The following PRLR variants were observed in gnomAD, a reference collection of about 807,000 sequenced individuals.
PRLR encodes prolactin receptor.
PRLR carries 13 observed loss-of-function variants against 40.2 expected under a neutral mutation model. The ratio of observed to expected loss-of-function variants is 0.32; its 90% CI spans 0.21 to 0.51. The LOEUF (loss-of-function observed/expected upper bound fraction) is 0.51, where lower values mean the gene tolerates loss of function less well. Among genes scored for constraint, PRLR ranks in the 20% least tolerant of loss-of-function variants. The pLI is 0.97. For missense variants in PRLR, 656 were observed against 747.3 expected, an observed-to-expected ratio of 0.88 and a Z score of 1.42; for synonymous variants, 269 against 278.7, an observed-to-expected ratio of 0.97 and a Z score of 0.35.
chr5:35,078,706 C>T lies in PRLR; in HGVS notation c.373+5764G>A, dbSNP rs376271237. 9.9e-5 allele frequency among the ~76,000 whole-genome samples: 15 copies of T among 152,248 alleles called. No individual in the cohort carries two copies. In the East Asian group the frequency reaches 2.3e-3, roughly 24 times the overall value. ...AGAGGGAATCCTCCCTAACTCATTT[C>T]GTGAGGCCAGCATCATCCTGATACC... On this transcript the variant is annotated intron_variant, in intron 5 of 9. Coordinates refer to ENST00000618457, the MANE Select transcript of PRLR (RefSeq NM_000949.7).
Position 35,174,250 on chromosome 5 carries a change from C to T in PRLR, c.-106+56018G>A, listed in dbSNP as rs540010682. ...GACTACAGGCGTAGGCCGCCACGCC[C>T]GGCTAATTTTTTGTATTTTAGTGGA... is the stretch of plus-strand genomic sequence containing the variant. On this transcript the variant is annotated intron_variant, in intron 1 of 9. Transcript: ENST00000618457. Among the ~76,000 whole-genome samples, 30 of 152,232 alleles carry T rather than the reference C, an allele frequency of 2.0e-4. No homozygotes were observed. The East Asian group carries it at 2.9e-3, about 15-fold the overall frequency.
chr5:35,077,439 G>C (rs1770185404), intron 5 of PRLR, among the ~76,000 whole-genome samples: 1 of 152,152 alleles, frequency 6.6e-6, no homozygotes, highest in South Asian at 2.1e-4. Context: ...AACCAACAAA[G>C]ATCAAAAGAG....
At position 35,060,882 on chromosome 5, in the gene PRLR, T is replaced by C. The variant is rs911420833; in HGVS notation, c.*4207A>G. 2 of 152,200 alleles carry C rather than the reference T, an allele frequency of 1.3e-5. No homozygotes were observed. The highest frequency in any genetic ancestry group is 4.8e-5 in the African/African-American group (2 of 41,452). 9.4% of individuals were successfully genotyped at this position (152,200 alleles called of 1,614,324 possible). A position where few individuals can be genotyped will look rare whatever the true frequency, so the allele number is the denominator to read the frequency against. ...TAAGCCAATGACATTCAAAAATGTA[T>C]CAATAAGTTTTGGTATGGAGAGTCT... On this transcript the variant is annotated 3_prime_UTR_variant, in exon 10 of 10. Transcript: ENST00000618457.
intron 2 of PRLR, 86 bp downstream of exon 2, chr5:35,117,975 G>A: frequency 1.4e-6 from 1 of 692,060 alleles, no homozygotes; most frequent in Non-Finnish European, 1.8e-6. Flanking sequence ...TGTAAACCAA[G>A]ATAGTTGAGC....
intron 4 of PRLR, 47 bp from the exon 5 acceptor site, chr5:35,084,686 A>G: frequency 6.4e-7 from 1 of 1,561,100 alleles, no homozygotes; most frequent in Non-Finnish European, 8.7e-7. Flanking sequence ...TAATAAAGAG[A>G]GTCTAGTTTT....
chr5:35,105,269 G>T (rs1166265841), intron 2 of PRLR, among the ~76,000 whole-genome samples: 1 of 152,208 alleles, frequency 6.6e-6, no homozygotes, highest in East Asian at 1.9e-4. Context: ...AAGATGGGGA[G>T]AAACCAGAGC....
chr5:35,070,890 C>T (rs544539278), intron 6 of PRLR, among the ~76,000 whole-genome samples: 78 of 149,858 alleles, frequency 5.2e-4, no homozygotes, highest in Admixed American at 4.3e-3. Flanking sequence ...GAATTGTTAG[C>T]CTTTAAACCC....
intron 1 of PRLR, among the ~76,000 whole-genome samples, chr5:35,199,991 A>G (rs1268778110): frequency 6.6e-6 from 1 of 152,186 alleles, no homozygotes; most frequent in Non-Finnish European, 1.5e-5. Context: ...AGAAAATACA[A>G]GATTTCTTTT....
At chr5:35,108,497 G>A (rs1772425987) in intron 2 of PRLR, among the ~76,000 whole-genome samples, 1 of 151,368 alleles carries the variant, frequency 6.6e-6, no homozygotes, top group African/African-American at 2.4e-5. Context: ...CCCAAAAGCT[G>A]ATAAGCAACT....
At position 35,080,862 on chromosome 5, in the gene PRLR, T is replaced by TA. The variant is rs1770465341; in HGVS notation, c.373+3607dup. Among the ~76,000 whole-genome samples the TA allele has an allele frequency of 5.3e-5, 8 of 151,902 alleles. No individual in the cohort carries two copies. In the South Asian group the frequency reaches 1.7e-3, roughly 32 times the overall value. ...TACACCATGGAATACTATGCAGCCA[T>TA]AAAAATGGATGAGTTCATGTCTTCG... On this transcript the variant is annotated intron_variant, in intron 5 of 9. Coordinates refer to ENST00000618457, the MANE Select transcript of PRLR (RefSeq NM_000949.7).
intron 1 of PRLR, among the ~76,000 whole-genome samples, chr5:35,228,846 G>A (rs1776619394): frequency 6.6e-6 from 1 of 152,050 alleles, no homozygotes; most frequent in Non-Finnish European, 1.5e-5. Context: ...CAAGGAGTTG[G>A]CTGGGTGGTC....
chr5:35,103,097 T>A (rs1772001572), intron 2 of PRLR, among the ~76,000 whole-genome samples: 1 of 152,186 alleles, frequency 6.6e-6, no homozygotes, highest in South Asian at 2.1e-4. Context: ...GGTAAATAGA[T>A]TTTGTTATAT....
intron 1 of PRLR, among the ~76,000 whole-genome samples, chr5:35,219,444 G>A (rs888565110): frequency 6.6e-6 from 1 of 152,184 alleles, no homozygotes; most frequent in African/African-American, 2.4e-5. Context: ...AGGACTAAAT[G>A]AGTTAAAACA....
At chr5:35,189,984 C>T (rs988739467) in intron 1 of PRLR, among the ~76,000 whole-genome samples, 1 of 152,122 alleles carries the variant, frequency 6.6e-6, no homozygotes, top group African/African-American at 2.4e-5. Flanking sequence ...CAGGAGCCTC[C>T]CTGTTTACCC....
chr5:35,227,758 C>T (rs1352736716), intron 1 of PRLR, among the ~76,000 whole-genome samples: 1 of 152,158 alleles, frequency 6.6e-6, no homozygotes, highest in African/African-American at 2.4e-5. Context: ...CTGTGCCAAA[C>T]TGTGAAAGAT....
At chr5:35,122,909 T>A (rs1053413561) in intron 1 of PRLR, among the ~76,000 whole-genome samples, 5 of 152,084 alleles carry the variant, frequency 3.3e-5, no homozygotes, top group African/African-American at 1.2e-4. Flanking sequence ...GAGATTGAGA[T>A]GGAGACAGAG....
At chr5:35,214,736 C>T (rs772790022) in intron 1 of PRLR, among the ~76,000 whole-genome samples, 5 of 152,192 alleles carry the variant, frequency 3.3e-5, no homozygotes, top group Non-Finnish European at 5.9e-5. Flanking sequence ...ACCTCACAGG[C>T]TAACTGCCTT....
intron 1 of PRLR, 141 bp from the exon 2 acceptor site, chr5:35,118,263 G>GT: frequency 4.6e-6 from 1 of 215,222 alleles, no homozygotes; most frequent in Non-Finnish European, 7.9e-6. Flanking sequence ...TCTGGAATTT[G>GT]TTTTTTGGCA....
At chr5:35,229,538 C>T (rs1390519418) in intron 1 of PRLR, among the ~76,000 whole-genome samples, 1 of 152,130 alleles carries the variant, frequency 6.6e-6, no homozygotes, top group Non-Finnish European at 1.5e-5. Flanking sequence ...CTGAGTTTGC[C>T]TGACTTTAAC....
Sources: gnomAD v4.1 joint callset for allele counts (sites outside exome capture counted in the v4.1 genomes callset) on GRCh38, gnomAD v4.1.1 for gene constraint, MANE v1.5 for transcripts, NCBI Gene and HGNC (gene_info 2026-07-23, HGNC 2026-07-21) for gene names.